GRIN2C: variants seen among roughly 807,000 people sequenced by gnomAD.
GRIN2C encodes the protein glutamate ionotropic receptor NMDA type subunit 2C.
In GRIN2C, 64 loss-of-function variants were observed where a neutral mutation model predicts 77.7. That is an observed-to-expected ratio of 0.82 (90% CI 0.67 to 1.01). The LOEUF (loss-of-function observed/expected upper bound fraction) is 1.01. GRIN2C is among the 50% of genes least tolerant of loss of function. The pLI, the probability that GRIN2C is intolerant of heterozygous loss-of-function variation, is 0.00. For missense variants in GRIN2C, 1,549 were observed against 1,486.0 expected (o/e 1.04, Z -0.70); for synonymous variants, 792 against 643.4 (o/e 1.23, Z -3.49).
In GRIN2C at chr17:74,846,203, C is replaced by T. The variant is rs1349828346; in HGVS notation, c.2213G>A (p.Gly738Asp). ...YDAAVLNYMA[G>D]KDEGCKLVTI... ...GACCAGCTTGCAGCCCTCGTCCTTG[C>T]CTGCCATGTAGTTGAGGACAGCAGC... Residue 738 changes from glycine (G) to aspartate (D), a missense_variant, in exon 11 of 13, where the codon GGC (glycine) becomes GAC (aspartate). By Grantham distance (94) the Gly-to-Asp change is moderately conservative. Coordinates refer to ENST00000293190, the MANE Select transcript of GRIN2C (RefSeq NM_000835.6). This position sits in a 1 kb window ranked among gnomAD's most constrained non-coding sequence, Gnocchi z 4.4. The T allele has an allele frequency of 1.2e-6, 2 of 1,614,078 alleles. No individual in the cohort carries two copies. The highest frequency in any genetic ancestry group is 1.7e-5 in the Admixed American group (1 of 60,010).
chr17:74,846,828 G>A lies in GRIN2C; in HGVS notation c.2094C>T (p.Asp698=), dbSNP rs1191234231. ...TGAACTTGACCATGTGGGTGTGCATGTCACGGTAGTTACTGCGGATGTTCC... is the reference window on the plus strand; with the variant it reads ...TGAACTTGACCATGTGGGTGTGCATATCACGGTAGTTACTGCGGATGTTCC... ...TERNIRSNYR[D]MHTHMVKFNQ... The change falls in exon 10 of 13, where the codon GAC becomes GAT. Residue 698 remains aspartate (D), a synonymous_variant. Transcript: ENST00000293190. The surrounding 1 kb of genome is among the most constrained non-coding windows in gnomAD (Gnocchi z 4.4). 2 of 1,614,156 alleles carry A rather than the reference G, an allele frequency of 1.2e-6. No individual in the cohort carries two copies. Among genetic ancestry groups the A allele is most frequent in the Admixed American group, 1.7e-5 (1 of 60,026 alleles).
intron 11 of GRIN2C, 40 bp from the exon 12 acceptor site, chr17:74,844,548 C>A: frequency 6.3e-7 from 1 of 1,596,502 alleles, no homozygotes; most frequent in Non-Finnish European, 8.6e-7. Context: ...CAGGAAACCC[C>A]CCTATAAGCA....
chr17:74,854,660 T>C (rs201117968), intron 2 of GRIN2C, 34 bp downstream of exon 2: 120 of 1,579,928 alleles, frequency 7.6e-5, no homozygotes, highest in Non-Finnish European at 9.7e-5. Flanking sequence ...GTTCCAGGCC[T>C]GAGGCACGAG....
Position 74,854,711 on chromosome 17 carries a change from C to T in GRIN2C, c.382G>A (p.Val128Met). The T allele has an allele frequency of 6.2e-7, 1 of 1,608,500 alleles. No homozygotes were observed. Among genetic ancestry groups the T allele is most frequent in the Non-Finnish European group, 8.5e-7 (1 of 1,175,540 alleles). ...ACATGCACCTTGGGGGTGAGGACCA[C>T]AGCAGAGCCTCCGCTGATGCTGAGG... ...PILSISGGSA[V>M]VLTPKEPGSA... Residue 128 changes from valine to methionine, a missense_variant, in exon 2 of 13, where the codon GTG (valine) becomes ATG (methionine). Val to Met is a conservative substitution (Grantham distance 21, BLOSUM62 1). This residue lies in a region of GRIN2C where 382 missense variants were observed against 360.0 expected (regional missense o/e 1.06). Coordinates refer to ENST00000293190, the MANE Select transcript of GRIN2C (RefSeq NM_000835.6).
Position 74,842,208 on chromosome 17 carries a change from C to G in GRIN2C, c.*227G>C. On this transcript the variant is annotated 3_prime_UTR_variant, in exon 13 of 13. Coordinates refer to ENST00000293190, the MANE Select transcript of GRIN2C (RefSeq NM_000835.6). ...TCAGGAGTCTGACCCCCACAGCACA[C>G]CCTCCTGGCAGAACTCTGCGTGAGA... The G allele has an allele frequency of 1.9e-6, 1 of 513,028 alleles. No homozygotes were observed. The allele number at this position is 513,028 out of a possible 1,614,324, so 31.8% of individuals were successfully genotyped here. A position where few individuals can be genotyped will look rare whatever the true frequency, so the allele number is the denominator to read the frequency against.
rs61754645 is a variant in GRIN2C, at chr17:74,850,361, C to A, written c.1336G>T (p.Val446Leu). 4.5e-5 allele frequency: 72 copies of A among 1,611,710 alleles called. No homozygotes were observed. The highest frequency in any genetic ancestry group is 5.7e-5 in the Non-Finnish European group (67 of 1,179,896). ...QSNHTFSSGD[V>L]APYTKLCCKG... ...CAGCAGAGCTTGGTGTAGGGGGCCA[C>A]GTCCCCGCTGCTGCAGCCATGCCGC... The change falls in exon 6 of 13, where the codon GTG (valine) becomes TTG (leucine). Residue 446 changes from valine to leucine, a missense_variant. Val to Leu is a conservative substitution (Grantham distance 32). Around this residue, in one of 3 missense-constraint regions of GRIN2C, gnomAD observed 717 missense variants for 858.1 expected, o/e 0.84. Transcript: ENST00000293190. This position sits in a 1 kb window ranked among gnomAD's most constrained non-coding sequence, Gnocchi z 5.3.
chr17:74,843,892 GA>G (rs1265625262), intron 12 of GRIN2C: 1 of 370,696 alleles, frequency 2.7e-6, no homozygotes, highest in Non-Finnish European at 4.7e-6. Flanking sequence ...TTTTTTTTTA[GA>G]AACAGGATCT....
At chr17:74,851,044 C>G in intron 4 of GRIN2C, 1 of 524,762 alleles carries the variant, frequency 1.9e-6, no homozygotes, top group African/African-American at 1.9e-5. Context: ...GCTGAGCACT[C>G]AAGGCCCTTC....
In GRIN2C at chr17:74,846,065, C is replaced by T. The variant is rs868523365; in HGVS notation, c.2350+1G>A. The T allele has an allele frequency of 6.2e-7, 1 of 1,613,648 alleles. No homozygotes were observed. The highest frequency in any genetic ancestry group is 2.2e-5 in the East Asian group (1 of 44,882). On this transcript the variant is annotated splice_donor_variant, in intron 11 of 12. Transcript: ENST00000293190. LOFTEE classifies it high-confidence loss of function. The surrounding 1 kb of genome is among the most constrained non-coding windows in gnomAD (Gnocchi z 4.4). ...GGCATCCCAGCAATGGCAGTACCCA[C>T]CGTCCCCCAGGAACTGCAAGAGCGC...
At chr17:74,854,403 G>T in intron 2 of GRIN2C, 2 of 354,384 alleles carry the variant, frequency 5.6e-6, no homozygotes, top group South Asian at 6.0e-5. Context: ...GACCTAGGAA[G>T]CTGAGGGAAG....
chr17:74,855,659 G>A (rs538207352), intron 1 of GRIN2C, among the ~76,000 whole-genome samples: 1 of 152,356 alleles, frequency 6.6e-6, no homozygotes, highest in East Asian at 1.9e-4. Context: ...CCCCAGCCAG[G>A]TGAAGGAAGA....
At chr17:74,855,502 C>T (rs183462491) in intron 1 of GRIN2C, among the ~76,000 whole-genome samples, 1 of 152,348 alleles carries the variant, frequency 6.6e-6, no homozygotes, top group African/African-American at 2.4e-5. Context: ...CCAGTTCTGC[C>T]ACTAACTGGC....
At position 74,859,712 on chromosome 17, in the gene GRIN2C, C is replaced by G. The variant is rs1181372336; in HGVS notation, c.-16+32G>C. 1 of 152,308 alleles carries G rather than the reference C, an allele frequency of 6.6e-6. No homozygotes were observed. The highest frequency in any genetic ancestry group is 1.5e-5 in the Non-Finnish European group (1 of 68,108). The allele number at this position is 152,308 out of a possible 1,614,324, so 9.4% of individuals were successfully genotyped here. ...GGACTCCCCCTGGCCACCGGGACGC[C>G]CCGCCCCCTCCCCTCCGCAGCAATC... On this transcript the variant is annotated intron_variant, in intron 1 of 12. Coordinates refer to ENST00000293190, the MANE Select transcript of GRIN2C (RefSeq NM_000835.6). This position sits in a 1 kb window ranked among gnomAD's most constrained non-coding sequence, Gnocchi z 5.9.
intron 1 of GRIN2C, among the ~76,000 whole-genome samples, chr17:74,856,541 C>T (rs1261227377): frequency 2.7e-5 from 4 of 146,818 alleles, no homozygotes; most frequent in Non-Finnish European, 4.5e-5. Context: ...TGCAGTGGTG[C>T]GATCTCGGCT....
chr17:74,845,984 G>A (rs977195572), intron 11 of GRIN2C, 82 bp downstream of exon 11: 1 of 1,312,078 alleles, frequency 7.6e-7, no homozygotes, highest in African/African-American at 1.4e-5. Flanking sequence ...CACAGGCCTT[G>A]GGAACTTGAG....
Position 74,842,418 on chromosome 17 carries a change from C to A in GRIN2C, c.*17G>T, listed in dbSNP as rs759614767. On this transcript the variant is annotated 3_prime_UTR_variant, in exon 13 of 13. Transcript: ENST00000293190. Reference sequence around the variant, plus strand: ...GGCAGAGAATCCAGCTGGCTCGGAGCCTGAGTGGCTGATAACTCACACTTC... The same window carrying A: ...GGCAGAGAATCCAGCTGGCTCGGAGACTGAGTGGCTGATAACTCACACTTC... The A allele has an allele frequency of 6.5e-6, 5 of 766,494 alleles. No individual in the cohort carries two copies. Among genetic ancestry groups the A allele is most frequent in the Non-Finnish European group, 1.2e-5 (5 of 412,038 alleles). 47.5% of individuals were successfully genotyped at this position (766,494 alleles called of 1,614,324 possible).
At chr17:74,858,003 C>T (rs1191204326) in intron 1 of GRIN2C, among the ~76,000 whole-genome samples, 1 of 152,142 alleles carries the variant, frequency 6.6e-6, no homozygotes, top group African/African-American at 2.4e-5. Flanking sequence ...TTAAATTGTA[C>T]TTGTGGCTCC....
Position 74,850,275 on chromosome 17 carries a change from G to A in GRIN2C, c.1422C>T (p.Asp474=). The change falls in exon 6 of 13, where the codon GAC becomes GAT. Residue 474 remains aspartate, a synonymous_variant. Transcript: ENST00000293190. The surrounding 1 kb of genome is among the most constrained non-coding windows in gnomAD (Gnocchi z 5.3). The stretch of plus-strand genomic sequence containing the variant: ...GCTTGCCGTTGGTCACCAGGTACAG[G>A]TCGTAGGAGAATTTGACCACTCTGG... The part of the protein sequence containing the change: ...KLARVVKFSY[D]LYLVTNGKHG... 2 of 1,613,928 alleles carry A rather than the reference G, an allele frequency of 1.2e-6. No homozygotes were observed. The highest frequency in any genetic ancestry group is 1.7e-6 in the Non-Finnish European group (2 of 1,179,996).
chr17:74,849,985 C>A lies in GRIN2C; in HGVS notation c.1492-52G>T, dbSNP rs781718147. On this transcript the variant is annotated intron_variant, in intron 6 of 12. Coordinates refer to ENST00000293190, the MANE Select transcript of GRIN2C (RefSeq NM_000835.6). This position sits in a 1 kb window ranked among gnomAD's most constrained non-coding sequence, Gnocchi z 4.6. ...GAAAAAGGGGCTCCCGTGGGGTGGA[C>A]ACGCTGCACAGGCACCTCCAGACAC... The A allele has an allele frequency of 1.0e-5, 16 of 1,567,974 alleles. 1 individual carries two copies. The South Asian group carries it at 1.9e-4, about 18-fold the overall frequency.
Sources: allele counts gnomAD v4.1 joint callset (sites outside exome capture counted in the v4.1 genomes callset), GRCh38; gene constraint gnomAD v4.1.1; regional missense constraint gnomAD v4.1.1; non-coding constraint Gnocchi (gnomAD v3.1); transcripts MANE v1.5; gene names NCBI Gene and HGNC (gene_info 2026-07-23, HGNC 2026-07-21).